GLIS3: variants seen among roughly 807,000 people sequenced by gnomAD.
The protein encoded by GLIS3 is GLIS family zinc finger 3, also known as zinc finger protein GLIS3.
GLIS3 carries 53 observed loss-of-function variants against 78.6 expected under a neutral mutation model. The ratio of observed to expected loss-of-function variants is 0.67; its 90% CI spans 0.54 to 0.85. The LOEUF (loss-of-function observed/expected upper bound fraction) is 0.85. Ranked by LOEUF, GLIS3 falls within the 40% of genes least tolerant of loss-of-function variation. The pLI, the probability that GLIS3 is intolerant of heterozygous loss-of-function variation, is 0.00. For missense variants in GLIS3, 1,703 were observed against 1,231.1 expected (o/e 1.38, Z -5.74); for synonymous variants, 684 against 509.9 (o/e 1.34, Z -4.60).
intron 4 of GLIS3, among the ~76,000 whole-genome samples, chr9:3,978,782 A>G (rs148577639): frequency 6.6e-6 from 1 of 152,324 alleles, no homozygotes; most frequent in African/African-American, 2.4e-5. Context: ...AAGTCTAAGT[A>G]TCTGCATTTT....
At chr9:4,297,111 T>C (rs1587352704) in intron 1 of GLIS3, among the ~76,000 whole-genome samples, 1 of 150,062 alleles carries the variant, frequency 6.7e-6, no homozygotes, top group African/African-American at 2.5e-5. Flanking sequence ...CACAAGTCGA[T>C]TTTGTACCCA....
intron 4 of GLIS3, among the ~76,000 whole-genome samples, chr9:4,013,744 T>G (rs1822220163): frequency 6.6e-6 from 1 of 152,208 alleles, no homozygotes; most frequent in African/African-American, 2.4e-5. Context: ...CTTGAGTTAA[T>G]AGAGTCTGAG....
chr9:3,863,699 C>T (rs1395248848), intron 8 of GLIS3, among the ~76,000 whole-genome samples: 15 of 152,178 alleles, frequency 9.9e-5, no homozygotes. Context: ...TGCTCATATA[C>T]ATCATGAGTG....
intron 4 of GLIS3, among the ~76,000 whole-genome samples, chr9:3,998,560 T>C (rs1588423221): frequency 6.6e-6 from 1 of 151,688 alleles, no homozygotes; most frequent in African/African-American, 2.4e-5. Flanking sequence ...TTAAGATTTC[T>C]TTGCAGATTT....
At chr9:4,283,619 G>A (rs1050189188) in intron 2 of GLIS3, among the ~76,000 whole-genome samples, 1 of 152,142 alleles carries the variant, frequency 6.6e-6, no homozygotes, top group Non-Finnish European at 1.5e-5. Flanking sequence ...CCAACTCCTT[G>A]AGGGAAAGGA....
chr9:3,995,217 C>A (rs904669380), intron 4 of GLIS3, among the ~76,000 whole-genome samples: 2 of 152,058 alleles, frequency 1.3e-5, no homozygotes, highest in African/African-American at 4.8e-5. Flanking sequence ...GATTTTTAAC[C>A]AGAAAACCTG....
At chr9:3,852,345 T>C (rs187892696) in intron 9 of GLIS3, among the ~76,000 whole-genome samples, 2 of 152,262 alleles carry the variant, frequency 1.3e-5, no homozygotes, top group Admixed American at 1.3e-4. Flanking sequence ...GTGACTACAC[T>C]CATTAAAACC....
At chr9:4,262,189 G>A (rs1315680742) in intron 2 of GLIS3, among the ~76,000 whole-genome samples, 5 of 152,096 alleles carry the variant, frequency 3.3e-5, no homozygotes, top group East Asian at 1.9e-4. Context: ...AAAAGGAGAC[G>A]GAAAACTCTC....
intron 7 of GLIS3, among the ~76,000 whole-genome samples, chr9:3,897,216 T>C (rs187387166): frequency 6.6e-6 from 1 of 152,182 alleles, no homozygotes; most frequent in Admixed American, 6.5e-5. Context: ...ATTTATATTG[T>C]ATGTTAGGCC....
At chr9:4,372,051 G>T in the GLIS3 span, among the ~76,000 whole-genome samples, 1 of 152,202 alleles carries the variant, frequency 6.6e-6, no homozygotes, top group African/African-American at 2.4e-5. Context: ...CTCTCCTGTG[G>T]GATCCCTGTT....
At chr9:3,831,586 C>T (rs1016143153) in intron 9 of GLIS3, among the ~76,000 whole-genome samples, 8 of 152,140 alleles carry the variant, frequency 5.3e-5, no homozygotes, top group Admixed American at 5.2e-4. Context: ...TAAAAGTGTT[C>T]AGACTATTGG....
chr9:3,950,469 C>T (rs1312274524), intron 4 of GLIS3, among the ~76,000 whole-genome samples: 3 of 152,280 alleles, frequency 2.0e-5, no homozygotes, highest in African/African-American at 7.2e-5. Flanking sequence ...CTCTCCTCCC[C>T]TTCCCTTTGC....
At chr9:4,301,794 C>A (rs1817085587), upstream of GLIS3, among the ~76,000 whole-genome samples, 1 of 152,154 alleles carries the variant, frequency 6.6e-6, no homozygotes, top group Non-Finnish European at 1.5e-5. Flanking sequence ...TAGTGCTACA[C>A]CCAACTTTAA....
chr9:3,949,155 A>C (rs1816500623), intron 4 of GLIS3, among the ~76,000 whole-genome samples: 1 of 152,242 alleles, frequency 6.6e-6, no homozygotes, highest in South Asian at 2.1e-4. Context: ...ATGTCTCAGA[A>C]GGAATCCAGT....
At chr9:4,332,505 C>T (rs918738022) in intron 2 of GLIS3, among the ~76,000 whole-genome samples, 1 of 152,226 alleles carries the variant, frequency 6.6e-6, no homozygotes, top group African/African-American at 2.4e-5. Flanking sequence ...CTTCCTCTCT[C>T]CCGTCTTGCT....
chr9:4,395,325 G>A, the GLIS3 span, among the ~76,000 whole-genome samples: 1 of 152,056 alleles, frequency 6.6e-6, no homozygotes, highest in Non-Finnish European at 1.5e-5. Context: ...GTGTAGTGTG[G>A]GTATTTTGTT....
intron 2 of GLIS3, among the ~76,000 whole-genome samples, chr9:4,340,799 A>G (rs1280354483): frequency 1.3e-5 from 2 of 151,988 alleles, no homozygotes; most frequent in African/African-American, 4.8e-5. Context: ...GGTTCAAGCA[A>G]TTGTCCCTGC....
At chr9:4,171,662 T>C (rs2131131716) in intron 2 of GLIS3, among the ~76,000 whole-genome samples, 1 of 152,326 alleles carries the variant, frequency 6.6e-6, no homozygotes, top group East Asian at 1.9e-4. Context: ...TGATATAAAA[T>C]TTTATGACAA....
At chr9:4,137,199 AG>A (rs1318940941) in intron 2 of GLIS3, among the ~76,000 whole-genome samples, 1 of 152,186 alleles carries the variant, frequency 6.6e-6, no homozygotes, top group African/African-American at 2.4e-5. Context: ...TAAATGGGAG[AG>A]GGGGGCCATA....
Sources: gnomAD v4.1 joint callset for allele counts (sites outside exome capture counted in the v4.1 genomes callset) on GRCh38, gnomAD v4.1.1 for gene constraint, MANE v1.5 for transcripts, NCBI Gene and HGNC (gene_info 2026-07-23, HGNC 2026-07-21) for gene names.